CDH23: variants seen among roughly 807,000 people sequenced by gnomAD.
CDH23 encodes the protein cadherin-23.
Under a neutral mutation model 317.1 loss-of-function variants are expected in CDH23, and 189 were observed. The ratio of observed to expected loss-of-function variants is 0.60; its 90% CI spans 0.53 to 0.67. The LOEUF (loss-of-function observed/expected upper bound fraction) is 0.67, where lower values mean the gene tolerates loss of function less well. CDH23 is among the 30% of genes least tolerant of loss of function. The pLI is 0.00. For missense variants in CDH23, 4,401 were observed against 4,592.4 expected (o/e 0.96, Z 1.20); for synonymous variants, 1,839 against 1,876.8 (o/e 0.98, Z 0.52).
At chr10:71,527,412 G>A (rs186491065) in intron 6 of CDH23, among the ~76,000 whole-genome samples, 2 of 152,362 alleles carry the variant, frequency 1.3e-5, no homozygotes, top group African/African-American at 2.4e-5. Context: ...TTGCCAGGTC[G>A]ACGCAGCACA....
In CDH23 at chr10:71,734,456, C is replaced by A. The variant is rs951388147; in HGVS notation, c.4206+115C>A. 7 of 1,490,618 alleles carry A rather than the reference C, an allele frequency of 4.7e-6. No individual in the cohort carries two copies. The Admixed American group carries it at 7.8e-5, about 17-fold the overall frequency. 92.3% of individuals were successfully genotyped at this position (1,490,618 alleles called of 1,614,324 possible). On this transcript the variant is annotated intron_variant, in intron 33 of 69. Transcript: ENST00000224721. ...TATGGGCCAGGCAGCGGGCGAGGGT[C>A]TTGATAGCCTGAGGCTTCGCCATGT...
chr10:71,435,696 G>A (rs527942877), intron 1 of CDH23, among the ~76,000 whole-genome samples: 235 of 152,318 alleles, frequency 1.5e-3, no homozygotes, highest in Non-Finnish European at 2.8e-3. Context: ...AGCTCAGGCC[G>A]CATCCTGAAG....
intron 21 of CDH23, 46 bp from the exon 22 acceptor site, chr10:71,695,372 C>A: frequency 7.3e-7 from 1 of 1,363,906 alleles, no homozygotes; most frequent in Non-Finnish European, 1.1e-6. Flanking sequence ...CTGCCCTGGC[C>A]CATCTCAGCT....
chr10:71,432,774 G>C (rs1304108097), intron 1 of CDH23, among the ~76,000 whole-genome samples: 1 of 152,172 alleles, frequency 6.6e-6, no homozygotes, highest in East Asian at 1.9e-4. Flanking sequence ...AGTGGGGCTG[G>C]ACTCGGGATG....
At chr10:71,542,170 C>T (rs1042952698) in intron 6 of CDH23, among the ~76,000 whole-genome samples, 1 of 152,114 alleles carries the variant, frequency 6.6e-6, no homozygotes, top group Admixed American at 6.5e-5. Flanking sequence ...TCAGGATCTT[C>T]GATGTAGTTG....
At chr10:71,416,808 C>T (rs1218664243) in intron 1 of CDH23, among the ~76,000 whole-genome samples, 1 of 152,130 alleles carries the variant, frequency 6.6e-6, no homozygotes, top group Non-Finnish European at 1.5e-5. Context: ...GGTAGGACTA[C>T]AAGCATGTGC....
rs1863459772 is a variant in CDH23 at position 71,657,308 on chromosome 10, A to G, written c.1449+10691A>G. Among the ~76,000 whole-genome samples, 3 of 152,200 alleles carry G rather than the reference A, an allele frequency of 2.0e-5. No individual in the cohort carries two copies. In the South Asian group the frequency reaches 6.2e-4, roughly 32 times the overall value. ...CTATAAAATGGGAAGAGTAATTCCT[A>G]TCTCAGCAATGCTATGAAATAATGT... is the stretch of plus-strand genomic sequence containing the variant. On this transcript the variant is annotated intron_variant, in intron 14 of 69. Coordinates refer to ENST00000224721, the MANE Select transcript of CDH23 (RefSeq NM_022124.6).
At position 71,799,478 on chromosome 10, in the gene CDH23, C is replaced by T; in HGVS notation, c.7225-14C>T. ...ACCTTGGCCTACTCTCTCTCCCTGC[C>T]CCCTGGGCTCCAGGAGGCTGTCTTT... On this transcript the variant is annotated splice_polypyrimidine_tract_variant and intron_variant, in intron 51 of 69. Transcript: ENST00000224721. 1.2e-6 allele frequency: 2 copies of T among 1,613,992 alleles called. No homozygotes were observed. Among genetic ancestry groups the T allele is most frequent in the Non-Finnish European group, 1.7e-6 (2 of 1,179,886 alleles).
intron 12 of CDH23, among the ~76,000 whole-genome samples, chr10:71,644,284 T>C (rs1346465747): frequency 2.0e-5 from 3 of 152,176 alleles, no homozygotes; most frequent in African/African-American, 7.2e-5. Context: ...AGCTTCCACC[T>C]CTCCATCCAA....
chr10:71,659,574 G>A (rs1863557430), intron 14 of CDH23, among the ~76,000 whole-genome samples: 2 of 152,252 alleles, frequency 1.3e-5, no homozygotes, highest in South Asian at 2.1e-4. Context: ...TCATAAAAAC[G>A]ACATTTAACT....
At chr10:71,782,142 G>C (rs1253646546) in intron 41 of CDH23, among the ~76,000 whole-genome samples, 2 of 152,200 alleles carry the variant, frequency 1.3e-5, no homozygotes, top group Non-Finnish European at 2.9e-5. Flanking sequence ...CAGCCCCACT[G>C]AGCCCTTAGG....
rs1272670975 is a variant in CDH23, at chr10:71,798,484, C to T, written c.6960C>T (p.Ala2320=). 5 of 1,613,856 alleles carry T rather than the reference C, an allele frequency of 3.1e-6. No individual in the cohort carries two copies. The highest frequency in any genetic ancestry group is 2.7e-5 in the African/African-American group (2 of 74,928). ...GGACCACACTCATTGCTGTGGCAGC[C>T]GTGGACCCTGACAAGGGCCTTAATG... The part of the protein sequence containing the change: ...TPGTTLIAVA[A]VDPDKGLNGL... The change falls in exon 50 of 70, where the codon GCC becomes GCT. Residue 2320 remains alanine (A), a synonymous_variant. Coordinates refer to ENST00000224721, the MANE Select transcript of CDH23 (RefSeq NM_022124.6).
intron 14 of CDH23, among the ~76,000 whole-genome samples, chr10:71,673,886 G>A (rs563612635): frequency 6.6e-6 from 1 of 152,336 alleles, no homozygotes; most frequent in East Asian, 1.9e-4. Context: ...AGCCAGTCCT[G>A]GGTTGGAGGG....
intron 19 of CDH23, among the ~76,000 whole-genome samples, chr10:71,688,993 ATGGTGGAGCCAGGGG>A (rs1564733755): frequency 3.9e-3 from 20 of 5,186 alleles, no homozygotes; most frequent in East Asian, 0.013. Flanking sequence ...GGAGTCAGGG[ATGGTGGAGCCAGGGG>A]TGGTGGAGTC....
At chr10:71,692,498 C>T (rs1356607550) in intron 20 of CDH23, among the ~76,000 whole-genome samples, 1 of 152,182 alleles carries the variant, frequency 6.6e-6, no homozygotes, top group East Asian at 1.9e-4. Flanking sequence ...GACAAGTTCA[C>T]GTTTAAAACT....
rs573057228 is a variant in CDH23 at position 71,791,251 on chromosome 10, A to G, written c.6169A>G (p.Ile2057Val). 302 of 1,613,806 alleles carry G rather than the reference A, an allele frequency of 1.9e-4. 4 individuals are homozygous for G. The South Asian group carries it at 3.2e-3, about 17-fold the overall frequency. Reference protein sequence around the residue: ...GLLNSTAHLLITILDDNDNRP... With the variant: ...GLLNSTAHLLVTILDDNDNRP... ...GCTCAACAGCACGGCCCACCTGCTC[A>G]TCACCATCCTGGATGACAATGACAA... Residue 2057 changes from isoleucine to valine, a missense_variant, in exon 47 of 70, where the codon ATC becomes GTC. This residue lies in a region of CDH23 where 3,068 missense variants were observed against 3,203.3 expected (regional missense o/e 0.96). Coordinates refer to ENST00000224721, the MANE Select transcript of CDH23 (RefSeq NM_022124.6).
chr10:71,492,775 C>T (rs1034912786), intron 3 of CDH23, among the ~76,000 whole-genome samples: 1 of 152,178 alleles, frequency 6.6e-6, no homozygotes, highest in African/African-American at 2.4e-5. Context: ...AGATGTTGTC[C>T]AGAGGATCGA....
At chr10:71,646,112 A>T in intron 13 of CDH23, 132 bp downstream of exon 13, 1 of 1,231,358 alleles carries the variant, frequency 8.1e-7, no homozygotes, top group Non-Finnish European at 1.1e-6. Flanking sequence ...TCTGACTCAG[A>T]TAAGCCCTCC....
chr10:71,479,294 C>T (rs1343042314), intron 3 of CDH23, among the ~76,000 whole-genome samples: 1 of 152,176 alleles, frequency 6.6e-6, no homozygotes, highest in Non-Finnish European at 1.5e-5. Context: ...TTTGGGGTTT[C>T]CTCATGCTCA....
Sources: allele counts gnomAD v4.1 joint callset (sites outside exome capture counted in the v4.1 genomes callset), GRCh38; gene constraint gnomAD v4.1.1; regional missense constraint gnomAD v4.1.1; transcripts MANE v1.5; gene names NCBI Gene and HGNC (gene_info 2026-07-23, HGNC 2026-07-21).